KCND3: variants seen among roughly 807,000 people sequenced by gnomAD.
KCND3 encodes A-type voltage-gated potassium channel KCND3.
In KCND3, 9 loss-of-function variants were observed where a neutral mutation model predicts 51.1. That is an observed-to-expected ratio of 0.18 (90% CI 0.11 to 0.31). The LOEUF (loss-of-function observed/expected upper bound fraction) is 0.31. Ranked by LOEUF, KCND3 falls within the 10% of genes least tolerant of loss-of-function variation. KCND3 has a pLI of 1.00. For missense variants in KCND3, 526 were observed against 903.8 expected (o/e 0.58, Z 5.36); for synonymous variants, 349 against 368.0 (o/e 0.95, Z 0.59).
At chr1:111,965,066 C>T (rs770381005) in intron 2 of KCND3, among the ~76,000 whole-genome samples, 2 of 151,384 alleles carry the variant, frequency 1.3e-5, no homozygotes, top group Admixed American at 6.6e-5. Context: ...GCTGCACCCC[C>T]CCAAACTGCC....
At chr1:111,973,069 CATT>C (rs1397648307) in intron 2 of KCND3, among the ~76,000 whole-genome samples, 56 of 152,312 alleles carry the variant, frequency 3.7e-4, no homozygotes, top group Non-Finnish European at 7.5e-4. Context: ...ATCATAAAAA[CATT>C]ATTTCCATCA....
intron 2 of KCND3, among the ~76,000 whole-genome samples, chr1:111,819,653 C>T (rs1262951678): frequency 6.6e-6 from 1 of 152,114 alleles, no homozygotes; most frequent in Non-Finnish European, 1.5e-5. Context: ...GAGGTTTGAG[C>T]AGAAGATCCC....
intron 2 of KCND3, among the ~76,000 whole-genome samples, chr1:111,872,077 T>C (rs967208260): frequency 5.3e-5 from 8 of 152,206 alleles, no homozygotes; most frequent in African/African-American, 1.9e-4. Flanking sequence ...AAATAAAACC[T>C]TATATGTGAT....
chr1:111,833,865 AAG>A (rs1397914453), intron 2 of KCND3, among the ~76,000 whole-genome samples: 1 of 152,218 alleles, frequency 6.6e-6, no homozygotes, highest in East Asian at 1.9e-4. Flanking sequence ...GAAACTGAAA[AAG>A]AAAGAATAAG....
At chr1:111,915,001 C>T (rs1402895816) in intron 2 of KCND3, among the ~76,000 whole-genome samples, 1 of 151,702 alleles carries the variant, frequency 6.6e-6, no homozygotes, top group Non-Finnish European at 1.5e-5. Flanking sequence ...ACAAGAGGTA[C>T]AAAATTGAAT....
chr1:111,852,723 A>C (rs1667878169), intron 2 of KCND3, among the ~76,000 whole-genome samples: 1 of 152,230 alleles, frequency 6.6e-6, no homozygotes, highest in Admixed American at 6.5e-5. Flanking sequence ...GCACCTCCAA[A>C]AGAAAAATAA....
At chr1:111,793,155 A>G (rs1428163976) in intron 2 of KCND3, among the ~76,000 whole-genome samples, 1 of 149,804 alleles carries the variant, frequency 6.7e-6, no homozygotes, top group African/African-American at 2.5e-5. Flanking sequence ...GTGAGCAATC[A>G]CACCCAGCCA....
chr1:111,837,063 T>TC (rs1667100367), intron 2 of KCND3, among the ~76,000 whole-genome samples: 1 of 152,244 alleles, frequency 6.6e-6, no homozygotes, highest in African/African-American at 2.4e-5. Flanking sequence ...TTTCCATATG[T>TC]ATTAAGTCAT....
intron 2 of KCND3, among the ~76,000 whole-genome samples, chr1:111,828,058 T>C (rs1259947758): frequency 6.6e-6 from 1 of 152,198 alleles, no homozygotes; most frequent in Non-Finnish European, 1.5e-5. Context: ...CTGCCTTTTG[T>C]TTATGGGCTT....
chr1:111,960,034 GAA>G (rs937714304), intron 2 of KCND3, among the ~76,000 whole-genome samples: 31 of 143,464 alleles, frequency 2.2e-4, no homozygotes, highest in African/African-American at 7.4e-4. Flanking sequence ...CCGCCATGTG[GAA>G]AAAAAGAAAA....
chr1:111,875,880 A>C (rs990520716), intron 2 of KCND3, among the ~76,000 whole-genome samples: 1 of 152,254 alleles, frequency 6.6e-6, no homozygotes, highest in Non-Finnish European at 1.5e-5. Flanking sequence ...AAAATGTAAT[A>C]ATCTCAGCTT....
intron 2 of KCND3, among the ~76,000 whole-genome samples, chr1:111,792,461 AG>A (rs1664877601): frequency 6.6e-6 from 1 of 152,198 alleles, no homozygotes; most frequent in African/African-American, 2.4e-5. Flanking sequence ...GGGTGGGGCT[AG>A]AGAGAGGATG....
Position 111,981,498 on chromosome 1 carries a change from C to A in KCND3, c.1106+123G>T. 1 of 1,399,806 alleles carries A rather than the reference C, an allele frequency of 7.1e-7. No homozygotes were observed. Among genetic ancestry groups the A allele is most frequent in the African/African-American group, 1.4e-5 (1 of 70,860 alleles). The allele number at this position is 1,399,806 out of a possible 1,614,324, so 86.7% of individuals were successfully genotyped here. The stretch of plus-strand genomic sequence containing the variant: ...CCTTCGGATAGAGCAACTTCCCCTG[C>A]CCCCAACACTTGGGTAAGGGACTCC... On this transcript the variant is annotated intron_variant, in intron 2 of 7. Coordinates refer to ENST00000302127, the MANE Select transcript of KCND3 (RefSeq NM_001378969.1). The surrounding 1 kb of genome is among the most constrained non-coding windows in gnomAD (Gnocchi z 6.2).
At chr1:111,936,674 G>A (rs1245723657) in intron 2 of KCND3, among the ~76,000 whole-genome samples, 1 of 152,198 alleles carries the variant, frequency 6.6e-6, no homozygotes, top group African/African-American at 2.4e-5. Flanking sequence ...TGGGTGAGAG[G>A]CCACTGAAAG....
chr1:111,820,682 C>A (rs939509100), intron 2 of KCND3, among the ~76,000 whole-genome samples: 1 of 152,168 alleles, frequency 6.6e-6, no homozygotes, highest in Non-Finnish European at 1.5e-5. Context: ...TAAGTCCTAA[C>A]CCCTAGAAGC....
intron 2 of KCND3, among the ~76,000 whole-genome samples, chr1:111,967,915 G>A (rs534488358): frequency 6.6e-6 from 1 of 152,312 alleles, no homozygotes; most frequent in South Asian, 2.1e-4. Context: ...TCCCAATCCA[G>A]TGGTCTTGCC....
At chr1:111,959,695 C>G (rs1673530048) in intron 2 of KCND3, among the ~76,000 whole-genome samples, 1 of 152,168 alleles carries the variant, frequency 6.6e-6, no homozygotes. Flanking sequence ...ACTTCTGTGT[C>G]CCTGCTAGGT....
At chr1:111,957,410 A>T (rs1673393387) in intron 2 of KCND3, among the ~76,000 whole-genome samples, 1 of 152,228 alleles carries the variant, frequency 6.6e-6, no homozygotes, top group African/African-American at 2.4e-5. Context: ...CAGGCTTCAT[A>T]TGATCCCGCT....
At chr1:111,876,539 C>T (rs1261223271) in intron 2 of KCND3, among the ~76,000 whole-genome samples, 1 of 152,212 alleles carries the variant, frequency 6.6e-6, no homozygotes, top group African/African-American at 2.4e-5. Context: ...AGCCAGTGGG[C>T]GGCCAGGAAT....
Sources: allele counts gnomAD v4.1 joint callset (sites outside exome capture counted in the v4.1 genomes callset), GRCh38; gene constraint gnomAD v4.1.1; non-coding constraint Gnocchi (gnomAD v3.1); transcripts MANE v1.5; gene names NCBI Gene and HGNC (gene_info 2026-07-23, HGNC 2026-07-21).